RILPL1: variants seen among roughly 807,000 people sequenced by gnomAD.
RILPL1 encodes the protein RILP-like protein 1.
A neutral mutation model predicts 50.3 loss-of-function variants in RILPL1; 33 were observed. The ratio of observed to expected loss-of-function variants is 0.66; its 90% CI spans 0.50 to 0.88. RILPL1 has a LOEUF of 0.88. RILPL1 is among the 40% of genes least tolerant of loss of function. The probability of loss-of-function intolerance (pLI) is 0.00; values close to 1 mark genes in which losing one functional copy is unlikely to be tolerated. For missense variants in RILPL1, 418 were observed against 542.5 expected, an observed-to-expected ratio of 0.77 and a Z score of 2.28; for synonymous variants, 205 against 228.6, an observed-to-expected ratio of 0.90 and a Z score of 0.93.
intron 6 of RILPL1, chr12:123,475,524 A>G (rs1881526033): frequency 4.6e-6 from 3 of 657,038 alleles, no homozygotes; most frequent in Non-Finnish European, 8.3e-6. Flanking sequence ...CACACTCAAC[A>G]TCCACGTCAA....
chr12:123,485,314 A>G lies in RILPL1; in HGVS notation c.974+319T>C. On this transcript the variant is annotated intron_variant, in intron 5 of 6. Coordinates refer to ENST00000376874, the MANE Select transcript of RILPL1 (RefSeq NM_178314.5). The surrounding 1 kb of genome is among the most constrained non-coding windows in gnomAD (Gnocchi z 4.0). ...TTAACACCGGGGCCGGGTTTCATTC[A>G]TTCATTCATTTAAAAAAAGAGATGA... 2.1e-6 allele frequency: 1 copy of G among 465,134 alleles called. No individual in the cohort carries two copies. The highest frequency in any genetic ancestry group is 1.6e-5 in the South Asian group (1 of 61,094). 28.8% of individuals were successfully genotyped at this position (465,134 alleles called of 1,614,324 possible).
chr12:123,478,846 T>C (rs1218247272), intron 6 of RILPL1, among the ~76,000 whole-genome samples: 1 of 152,208 alleles, frequency 6.6e-6, no homozygotes, highest in Non-Finnish European at 1.5e-5. Flanking sequence ...TGGTGCCTGG[T>C]GTTCACTGGG....
Position 123,472,417 on chromosome 12 carries a change from G to T in RILPL1, c.*121C>A. 1 of 1,023,618 alleles carries T rather than the reference G, an allele frequency of 9.8e-7. No homozygotes were observed. The highest frequency in any genetic ancestry group is 1.4e-6 in the Non-Finnish European group (1 of 706,398). The allele number at this position is 1,023,618 out of a possible 1,614,324, so 63.4% of individuals were successfully genotyped here. A position where few individuals can be genotyped will look rare whatever the true frequency, so the allele number is the denominator to read the frequency against. ...CTCAAATCAGACAGTCTGTTTGAGG[G>T]GTCAGTTTTCAGGGTGCATCTGCAC... On this transcript the variant is annotated 3_prime_UTR_variant, in exon 7 of 7. Coordinates refer to ENST00000376874, the MANE Select transcript of RILPL1 (RefSeq NM_178314.5).
rs900642514 is a variant in RILPL1 at position 123,498,065 on chromosome 12, A to T, written c.801+479T>A. Among the ~76,000 whole-genome samples, 2 of 152,176 alleles carry T rather than the reference A, an allele frequency of 1.3e-5. No homozygotes were observed. Among genetic ancestry groups the T allele is most frequent in the African/African-American group, 4.8e-5 (2 of 41,438 alleles). ...CCTCTGGGCCGGCTACACAGTCAACAATCATTGGTATGAATGAATAAATAA... is the reference window on the plus strand; with the variant it reads ...CCTCTGGGCCGGCTACACAGTCAACTATCATTGGTATGAATGAATAAATAA... On this transcript the variant is annotated intron_variant, in intron 4 of 6. Coordinates refer to ENST00000376874, the MANE Select transcript of RILPL1 (RefSeq NM_178314.5). This position sits in a 1 kb window ranked among gnomAD's most constrained non-coding sequence, Gnocchi z 4.3.
intron 2 of RILPL1, among the ~76,000 whole-genome samples, chr12:123,513,114 CTG>C (rs372700247): frequency 0.12 from 14,871 of 127,234 alleles, 1,896 homozygotes; most frequent in African/African-American, 0.33. Flanking sequence ...GTGGTGGCGT[CTG>C]TGTGTGTGTG....
At chr12:123,478,756 G>GC (rs1364080106) in intron 6 of RILPL1, among the ~76,000 whole-genome samples, 1 of 151,970 alleles carries the variant, frequency 6.6e-6, no homozygotes, top group Non-Finnish European at 1.5e-5. Flanking sequence ...TCAGCCCCTA[G>GC]CCCCCGCCCT....
intron 6 of RILPL1, chr12:123,472,923 T>C (rs1426030558): frequency 4.2e-6 from 2 of 479,926 alleles, no homozygotes; most frequent in South Asian, 2.3e-5. Context: ...TGCATGCTGA[T>C]GTGATGTGTG....
Position 123,533,677 on chromosome 12 carries a change from C to T in RILPL1, c.-195G>A. 5.8e-6 allele frequency: 1 copy of T among 173,150 alleles called. No homozygotes were observed. The highest frequency in any genetic ancestry group is 1.1e-5 in the Non-Finnish European group (1 of 90,236). The allele number at this position is 173,150 out of a possible 1,614,324, so 10.7% of individuals were successfully genotyped here. On this transcript the variant is annotated 5_prime_UTR_variant, in exon 1 of 7. Coordinates refer to ENST00000376874, the MANE Select transcript of RILPL1 (RefSeq NM_178314.5). This position sits in a 1 kb window ranked among gnomAD's most constrained non-coding sequence, Gnocchi z 6.2. ...GGGCGGCGGCGCGGGGTGTGCGGGC[C>T]CGGGGTCTGGGCGCCCGGCTCGGCC...
intron 6 of RILPL1, among the ~76,000 whole-genome samples, chr12:123,477,530 G>C (rs1346751360): frequency 6.6e-6 from 1 of 151,868 alleles, no homozygotes; most frequent in East Asian, 1.9e-4. Flanking sequence ...GTAGAGACGG[G>C]GTTTCCCTGT....
intron 6 of RILPL1, chr12:123,475,797 G>A (rs753663300): frequency 7.9e-7 from 1 of 1,262,568 alleles, no homozygotes; most frequent in Non-Finnish European, 1.1e-6. Flanking sequence ...AAAACGGGAG[G>A]CATGAAAAAG....
At chr12:123,473,121 G>A (rs1328085192) in intron 6 of RILPL1, 1 of 176,434 alleles carries the variant, frequency 5.7e-6, no homozygotes, top group African/African-American at 2.4e-5. Context: ...AAATAGTTCT[G>A]TATTTGTTTA....
chr12:123,503,096 C>T (rs1228942690), intron 2 of RILPL1, among the ~76,000 whole-genome samples: 3 of 150,754 alleles, frequency 2.0e-5, no homozygotes, highest in African/African-American at 7.3e-5. Context: ...CCATGTTAGC[C>T]AGGATGGTCT....
chr12:123,483,880 C>T (rs1239875288), intron 6 of RILPL1, among the ~76,000 whole-genome samples: 1 of 152,118 alleles, frequency 6.6e-6, no homozygotes, highest in African/African-American at 2.4e-5. Flanking sequence ...CTCAAAGGCC[C>T]AGAGATGCAC....
intron 2 of RILPL1, among the ~76,000 whole-genome samples, chr12:123,511,445 CTGTG>C (rs1425023680): frequency 2.8e-5 from 1 of 35,164 alleles, no homozygotes; most frequent in South Asian, 8.1e-4. Flanking sequence ...TGTGTGGTCT[CTGTG>C]TGGTGTGTGT....
At chr12:123,526,482 C>T (rs1172045154) in intron 1 of RILPL1, among the ~76,000 whole-genome samples, 1 of 152,078 alleles carries the variant, frequency 6.6e-6, no homozygotes, top group Non-Finnish European at 1.5e-5. Flanking sequence ...GTGGTATCTG[C>T]CGGGAAGGGT....
intron 2 of RILPL1, among the ~76,000 whole-genome samples, chr12:123,500,345 A>G (rs1021812939): frequency 3.8e-5 from 5 of 133,160 alleles, no homozygotes; most frequent in African/African-American, 1.5e-4. Flanking sequence ...GTGTAGTGGT[A>G]CAATCTTGGC....
chr12:123,533,015 C>A lies in RILPL1; in HGVS notation c.309+159G>T, dbSNP rs1047728001. Among the ~76,000 whole-genome samples, 1 of 152,196 alleles carries A rather than the reference C, an allele frequency of 6.6e-6. No homozygotes were observed. The highest frequency in any genetic ancestry group is 2.4e-5 in the African/African-American group (1 of 41,462). On this transcript the variant is annotated intron_variant, in intron 1 of 6. Transcript: ENST00000376874. This position sits in a 1 kb window ranked among gnomAD's most constrained non-coding sequence, Gnocchi z 6.2. ...TATCTGCCAGCCACCCCTGGTCGGG[C>A]AAAAGAAGGCCAGGGCCTCCCTCCC...
intron 2 of RILPL1, among the ~76,000 whole-genome samples, chr12:123,500,957 A>C (rs1364037398): frequency 6.6e-6 from 1 of 151,520 alleles, no homozygotes; most frequent in African/African-American, 2.4e-5. Context: ...ACAAAAAAAA[A>C]ATTAGCCGGC....
chr12:123,532,699 A>C, intron 1 of RILPL1, among the ~76,000 whole-genome samples: 1 of 24,018 alleles, frequency 4.2e-5, no homozygotes. Context: ...TGCTCTGGGG[A>C]GACTGGGGGG....
Sources: allele counts gnomAD v4.1 joint callset (sites outside exome capture counted in the v4.1 genomes callset), GRCh38; gene constraint gnomAD v4.1.1; non-coding constraint Gnocchi (gnomAD v3.1); transcripts MANE v1.5; gene names NCBI Gene and HGNC (gene_info 2026-07-23, HGNC 2026-07-21).